Variants in NEB observed in about 807,000 individuals in gnomAD.
NEB encodes nebulin.
NEB carries 512 observed loss-of-function variants against 952.2 expected under a neutral mutation model. The ratio of observed to expected loss-of-function variants is 0.54; its 90% confidence interval spans 0.50 to 0.58. NEB has a LOEUF of 0.58. NEB is among the 20% of genes least tolerant of loss of function. The pLI, the probability that NEB is intolerant of heterozygous loss-of-function variation, is 0.00. For missense variants in NEB, 8,428 were observed against 9,231.1 expected, an observed-to-expected ratio of 0.91 and a Z score of 3.56; for synonymous variants, 2,900 against 3,149.8, an observed-to-expected ratio of 0.92 and a Z score of 2.66.
intron 32 of NEB, 65 bp from the exon 33 acceptor site, chr2:151,678,252 C>T (rs1217866512): frequency 3.7e-6 from 4 of 1,068,382 alleles, no homozygotes; most frequent in East Asian, 2.5e-5. Context: ...AACAATGAGG[C>T]CATGATTTGA....
chr2:151,609,872 C>T lies in NEB; in HGVS notation c.12267G>A (p.Trp4089Ter). Reference protein sequence around the residue: ...DIDYRNYLHEWTCMPDQNDII... With the variant: ...DIDYRNYLHE Reference sequence around the variant, plus strand: ...TGTCGTTTTGATCCGGCATGCATGTCCATTCATGCAGGTAATTGCGATAAT... The same window carrying T: ...TGTCGTTTTGATCCGGCATGCATGTTCATTCATGCAGGTAATTGCGATAAT... Residue 4089 changes from tryptophan (W) to a stop codon, truncating the protein, a stop_gained, in exon 81 of 182, where the codon TGG (tryptophan) becomes TGA (stop). Transcript: ENST00000397345. LOFTEE classifies it high-confidence loss of function. 6.2e-7 allele frequency: 1 copy of T among 1,612,082 alleles called. No individual in the cohort carries two copies. The highest frequency in any genetic ancestry group is 8.5e-7 in the Non-Finnish European group (1 of 1,178,346).
intron 7 of NEB, 108 bp downstream of exon 7, chr2:151,724,749 C>G: frequency 1.2e-6 from 1 of 825,050 alleles, no homozygotes; most frequent in South Asian, 1.7e-5. Context: ...TCACACTGCC[C>G]ATGAGGCTGG....
intron 117 of NEB, among the ~76,000 whole-genome samples, 173 bp downstream of exon 117, chr2:151,564,871 C>T (rs368738886): frequency 5.3e-5 from 8 of 152,188 alleles, no homozygotes; most frequent in African/African-American, 1.9e-4. Flanking sequence ...GCTGAATAAA[C>T]GCTATTTGCC....
chr2:151,502,778 C>A lies in NEB; in HGVS notation c.23928+15G>T. 6.9e-7 allele frequency: 1 copy of A among 1,443,192 alleles called. No homozygotes were observed. Among genetic ancestry groups the A allele is most frequent in the South Asian group, 1.2e-5 (1 of 82,702 alleles). The allele number at this position is 1,443,192 out of a possible 1,614,324, so 89.4% of individuals were successfully genotyped here. A position where few individuals can be genotyped will look rare whatever the true frequency, so the allele number is the denominator to read the frequency against. On this transcript the variant is annotated intron_variant, in intron 167 of 181. Transcript: ENST00000397345. ...AATTAAGGGATTTTTTTTTTTTTGG[C>A]CCCCTAAGAAATACCGAGCTAAAGT...
At chr2:151,529,153 T>G in intron 146 of NEB, 57 bp downstream of exon 146, 1 of 1,145,556 alleles carries the variant, frequency 8.7e-7, no homozygotes, top group Non-Finnish European at 1.3e-6. Flanking sequence ...AGAGGCCATG[T>G]GTCCTACAGA....
chr2:151,538,845 A>C (rs1390243251), intron 138 of NEB, among the ~76,000 whole-genome samples: 1 of 152,068 alleles, frequency 6.6e-6, no homozygotes, highest in South Asian at 2.1e-4. Context: ...AGAATATCAT[A>C]GATGATTCAT....
intron 17 of NEB, 24 bp downstream of exon 17, chr2:151,696,613 T>A (rs1381059628): frequency 6.4e-7 from 1 of 1,553,592 alleles, no homozygotes; most frequent in Non-Finnish European, 8.9e-7. Flanking sequence ...TAATTGGGTG[T>A]CCTGAGTAGT....
At chr2:151,666,865 G>A (rs1170770685) in intron 40 of NEB, among the ~76,000 whole-genome samples, 4 of 151,870 alleles carry the variant, frequency 2.6e-5, no homozygotes, top group Non-Finnish European at 2.9e-5. Flanking sequence ...TCTGGTCAAT[G>A]TATGCTTTTT....
At position 151,642,697 on chromosome 2, in the gene NEB, ATAGTAAGT is replaced by A. The variant is rs1448023056; in HGVS notation, c.8266-24_8266-17del. ...TATACAATTTCTAAAATAGACATTAATAGTAAGTTGGATTTATAAAGTGCATTGTAAGG... is the reference window on the plus strand; with the variant it reads ...TATACAATTTCTAAAATAGACATTAATGGATTTATAAAGTGCATTGTAAGG... On this transcript the variant is annotated splice_polypyrimidine_tract_variant and intron_variant, in intron 59 of 181. Transcript: ENST00000397345. The A allele has an allele frequency of 6.2e-7, 1 of 1,611,568 alleles. No individual in the cohort carries two copies. The highest frequency in any genetic ancestry group is 1.1e-5 in the South Asian group (1 of 90,794).
chr2:151,664,661 A>G, intron 43 of NEB, 53 bp from the exon 44 acceptor site: 1 of 1,538,236 alleles, frequency 6.5e-7, no homozygotes, highest in Non-Finnish European at 8.9e-7. Context: ...GTTAGAATAG[A>G]GGTCCTGACT....
chr2:151,606,187 TA>T (rs1295623782), intron 84 of NEB, among the ~76,000 whole-genome samples: 1 of 71,512 alleles, frequency 1.4e-5, no homozygotes, highest in African/African-American at 3.3e-5. Flanking sequence ...CAAAGATTAC[TA>T]AGAGTATTCT....
At chr2:151,625,124 T>C (rs2098494563) in intron 71 of NEB, among the ~76,000 whole-genome samples, 1 of 152,202 alleles carries the variant, frequency 6.6e-6, no homozygotes, top group Non-Finnish European at 1.5e-5. Context: ...CATTTAGTCA[T>C]TCTTTAAAAA....
chr2:151,670,485 G>A (rs963825368), intron 38 of NEB, among the ~76,000 whole-genome samples: 2 of 149,462 alleles, frequency 1.3e-5, no homozygotes, highest in Admixed American at 1.3e-4. Context: ...ACATACAGAC[G>A]TGGTATGAGT....
intron 10 of NEB, among the ~76,000 whole-genome samples, chr2:151,711,009 T>C (rs1160375014): frequency 1.3e-5 from 2 of 152,190 alleles, no homozygotes; most frequent in Non-Finnish European, 2.9e-5. Flanking sequence ...TCTTCGCCTT[T>C]AGAGTTAAAT....
chr2:151,577,588 T>G (rs986877653), intron 105 of NEB, among the ~76,000 whole-genome samples: 6 of 152,218 alleles, frequency 3.9e-5, no homozygotes, highest in African/African-American at 1.4e-4. Flanking sequence ...TCATGTTTTT[T>G]GTTTGCCTTT....
chr2:151,613,120 T>G (rs1448173894), intron 77 of NEB, among the ~76,000 whole-genome samples: 2 of 152,342 alleles, frequency 1.3e-5, no homozygotes, highest in Non-Finnish European at 1.5e-5. Flanking sequence ...CTTTTATCAT[T>G]CTTCCAAAAG....
intron 9 of NEB, among the ~76,000 whole-genome samples, chr2:151,719,356 G>A (rs1298719157): frequency 6.6e-6 from 1 of 152,168 alleles, no homozygotes; most frequent in African/African-American, 2.4e-5. Flanking sequence ...AAGTTTCTAC[G>A]ATTATTTTCC....
intron 13 of NEB, among the ~76,000 whole-genome samples, chr2:151,698,203 A>T (rs6745072): frequency 1.3e-5 from 2 of 152,066 alleles, no homozygotes; most frequent in Non-Finnish European, 2.9e-5. Flanking sequence ...ACTCAAAAAA[A>T]TTTTTTTTCT....
rs369098763 is a variant in NEB, at chr2:151,514,385, C to T, written c.23060G>A (p.Gly7687Asp). ...AGGTGTATCTTCCATTTCAGTGAGG[C>T]CCTTCCCACGGATGCTTTCCTCTAG... The part of the protein sequence containing the change: ...KDLEESIRGK[G>D]LTEMEDTPDM... Residue 7687 changes from glycine (G) to aspartate (D), a missense_variant, in exon 159 of 182, where the codon GGC (glycine) becomes GAC (aspartate). Physicochemically the swap from Gly to Asp is moderately conservative, Grantham distance 94. This residue lies in a region of NEB where 3,374 missense variants were observed against 3,651.5 expected (regional missense o/e 0.92). Coordinates refer to ENST00000397345, the MANE Select transcript of NEB (RefSeq NM_001164508.2). 3 of 1,613,674 alleles carry T rather than the reference C, an allele frequency of 1.9e-6. No individual in the cohort carries two copies. The highest frequency in any genetic ancestry group is 2.2e-5 in the East Asian group (1 of 44,886).
Sources: gnomAD v4.1 joint callset for allele counts (sites outside exome capture counted in the v4.1 genomes callset) on GRCh38, gnomAD v4.1.1 for gene constraint, gnomAD v4.1.1 regional missense constraint, MANE v1.5 for transcripts, NCBI Gene and HGNC (gene_info 2026-07-23, HGNC 2026-07-21) for gene names.